PXYLP1: variants seen among roughly 807,000 people sequenced by gnomAD.
PXYLP1 encodes the protein acid phosphatase-like 2.
PXYLP1 carries 17 observed loss-of-function variants against 37.9 expected under a neutral mutation model. The ratio of observed to expected loss-of-function variants is 0.45; its 90% CI spans 0.31 to 0.67. The LOEUF (loss-of-function observed/expected upper bound fraction) is 0.67, where lower values mean the gene tolerates loss of function less well. PXYLP1 is among the 30% of genes least tolerant of loss of function. PXYLP1 has a pLI of 0.07. For synonymous variants in PXYLP1, 221 were observed against 232.2 expected, an observed-to-expected ratio of 0.95 and a Z score of 0.44; for missense variants, 511 against 612.0, an observed-to-expected ratio of 0.84 and a Z score of 1.74.
intron 4 of PXYLP1, among the ~76,000 whole-genome samples, chr3:141,279,787 G>A (rs912643498): frequency 2.6e-5 from 4 of 152,210 alleles, no homozygotes; most frequent in African/African-American, 9.7e-5. Flanking sequence ...ACACAGTACA[G>A]TGAGCACTGA....
At chr3:141,262,705 C>T (rs1941422517) in intron 2 of PXYLP1, 1 of 1,534,270 alleles carries the variant, frequency 6.5e-7, no homozygotes. Context: ...TATGGACGTT[C>T]TTACTGCTCT....
intron 1 of PXYLP1, among the ~76,000 whole-genome samples, chr3:141,257,009 C>A (rs866666627): frequency 1.3e-5 from 2 of 152,170 alleles, no homozygotes; most frequent in Non-Finnish European, 2.9e-5. Flanking sequence ...GTTAACCTAA[C>A]GTATTTAAAT....
At chr3:141,282,780 G>A (rs1186489382) in intron 4 of PXYLP1, among the ~76,000 whole-genome samples, 1 of 152,186 alleles carries the variant, frequency 6.6e-6, no homozygotes, top group East Asian at 1.9e-4. Flanking sequence ...TGGCAGGTTG[G>A]ACAGGGGTAT....
intron 4 of PXYLP1, among the ~76,000 whole-genome samples, chr3:141,285,110 T>G (rs1232115403): frequency 6.6e-6 from 1 of 151,922 alleles, no homozygotes; most frequent in Non-Finnish European, 1.5e-5. Context: ...GATACAGCCA[T>G]TTGTTGTCAA....
intron 1 of PXYLP1, among the ~76,000 whole-genome samples, chr3:141,239,143 A>C (rs1035301820): frequency 6.6e-6 from 1 of 151,868 alleles, no homozygotes. Flanking sequence ...GTATGTAGGG[A>C]GAATTAAGGT....
chr3:141,262,627 G>A (rs1004643167), intron 2 of PXYLP1: 1 of 1,487,340 alleles, frequency 6.7e-7, no homozygotes, highest in Non-Finnish European at 8.9e-7. Context: ...ATTTTGCAGG[G>A]TAAATTAGCC....
chr3:141,269,639 T>G (rs1941613547), intron 2 of PXYLP1, among the ~76,000 whole-genome samples: 1 of 152,202 alleles, frequency 6.6e-6, no homozygotes, highest in African/African-American at 2.4e-5. Context: ...TTCACAAGAC[T>G]GTGTTCGCAT....
chr3:141,287,495 T>A (rs1343231250), intron 5 of PXYLP1, 42 bp downstream of exon 5: 4 of 1,597,910 alleles, frequency 2.5e-6, no homozygotes, highest in Non-Finnish European at 2.6e-6. Context: ...CCCCACCCGC[T>A]CTTCTGCTTG....
intron 1 of PXYLP1, among the ~76,000 whole-genome samples, chr3:141,256,493 A>G (rs72982506): frequency 0.031 from 4,692 of 152,234 alleles, 237 homozygotes; most frequent in African/African-American, 0.099. Context: ...TCCACTTCTC[A>G]TGTTGGACAC....
chr3:141,240,071 G>C (rs555170216), intron 1 of PXYLP1, among the ~76,000 whole-genome samples: 1 of 152,218 alleles, frequency 6.6e-6, no homozygotes, highest in Non-Finnish European at 1.5e-5. Context: ...AACAAAATGC[G>C]TGAAGATAGG....
chr3:141,238,116 G>A (rs545679519), intron 1 of PXYLP1, among the ~76,000 whole-genome samples: 21 of 152,360 alleles, frequency 1.4e-4, no homozygotes, highest in South Asian at 6.2e-4. Flanking sequence ...AGTTCTCTGA[G>A]CAAGAAATGG....
chr3:141,285,088 T>A (rs1942039423), intron 4 of PXYLP1, among the ~76,000 whole-genome samples: 1 of 152,048 alleles, frequency 6.6e-6, no homozygotes, highest in South Asian at 2.1e-4. Flanking sequence ...CTGGTCTGCT[T>A]TCCACTAAAA....
intron 1 of PXYLP1, among the ~76,000 whole-genome samples, chr3:141,248,497 G>GTA (rs72060928): frequency 1.2e-3 from 142 of 117,446 alleles, no homozygotes; most frequent in Admixed American, 2.4e-3. Context: ...GTGCGTGTGT[G>GTA]TATATATATA....
At chr3:141,271,842 C>G (rs985796412) in intron 2 of PXYLP1, among the ~76,000 whole-genome samples, 1 of 152,182 alleles carries the variant, frequency 6.6e-6, no homozygotes, top group Non-Finnish European at 1.5e-5. Context: ...AAGGCGGAGA[C>G]ATGGTCCTGG....
At chr3:141,289,730 C>T (rs748196250) in intron 5 of PXYLP1, among the ~76,000 whole-genome samples, 1 of 152,110 alleles carries the variant, frequency 6.6e-6, no homozygotes, top group Non-Finnish European at 1.5e-5. Context: ...CACAGATGAA[C>T]TTGCAAATCC....
intron 1 of PXYLP1, among the ~76,000 whole-genome samples, chr3:141,239,086 G>C (rs532732271): frequency 6.6e-6 from 1 of 150,476 alleles, no homozygotes; most frequent in South Asian, 2.1e-4. Flanking sequence ...AAAAAACCTT[G>C]CCCCACACTT....
At chr3:141,232,440 G>A (rs1940542386) in intron 1 of PXYLP1, 1 of 152,248 alleles carries the variant, frequency 6.6e-6, no homozygotes, top group African/African-American at 2.4e-5. Flanking sequence ...CTCCAGGTAA[G>A]GAGGCGGCCG....
At chr3:141,232,501 C>G (rs773010800) in intron 1 of PXYLP1, 1 of 152,398 alleles carries the variant, frequency 6.6e-6, no homozygotes, top group Non-Finnish European at 1.5e-5. Context: ...TGGCAGCCAC[C>G]TGCAGCCTGA....
At chr3:141,235,193 A>C (rs780872515) in intron 1 of PXYLP1, 5 of 152,282 alleles carry the variant, frequency 3.3e-5, no homozygotes, top group Non-Finnish European at 7.3e-5. Flanking sequence ...ACCCCATGGG[A>C]ATCTGAAATC....
Sources: allele counts gnomAD v4.1 joint callset (sites outside exome capture counted in the v4.1 genomes callset), GRCh38; gene constraint gnomAD v4.1.1; transcripts MANE v1.5; gene names NCBI Gene and HGNC (gene_info 2026-07-23, HGNC 2026-07-21).